The following MYH3 variants were observed in gnomAD, a reference collection of about 807,000 sequenced individuals.
MYH3 encodes myosin heavy chain 3.
A neutral mutation model predicts 238.0 loss-of-function variants in MYH3; 130 were observed. That is an observed-to-expected ratio of 0.55 (90% CI 0.47 to 0.63). The LOEUF is 0.63. Ranked by LOEUF, MYH3 falls within the 30% of genes least tolerant of loss-of-function variation. The probability of loss-of-function intolerance (pLI) is 0.00; values close to 1 mark genes in which losing one functional copy is unlikely to be tolerated. For synonymous variants in MYH3, 880 were observed against 924.1 expected, an observed-to-expected ratio of 0.95 and a Z score of 0.86; for missense variants, 1,853 against 2,374.9, an observed-to-expected ratio of 0.78 and a Z score of 4.57.
intron 32 of MYH3, 39 bp downstream of exon 32, chr17:10,633,978 A>T (rs761781341): frequency 1.2e-6 from 2 of 1,609,422 alleles, no homozygotes; most frequent in Admixed American, 1.7e-5. Context: ...GCAATAGAGC[A>T]TGAAAGGAGG....
Position 10,629,600 on chromosome 17 carries a change from G to A in MYH3, c.5793C>T (p.Ser1931=). Reference sequence around the variant, plus strand: ...TCCTCCCAGCTCAGCGACTCACCCTGCTGGAGGTGAAGTCTCGAGTCTTAG... The same window carrying A: ...TCCTCCCAGCTCAGCGACTCACCCTACTGGAGGTGAAGTCTCGAGTCTTAG... ...LRAKTRDFTS[S]RMVVHESEE The change falls in exon 40 of 41, where the codon AGC becomes AGT. Residue 1931 remains serine (S), a synonymous_variant. Transcript: ENST00000583535. The A allele has an allele frequency of 6.2e-7, 1 of 1,613,186 alleles. No homozygotes were observed. Among genetic ancestry groups the A allele is most frequent in the East Asian group, 2.2e-5 (1 of 44,876 alleles).
At chr17:10,632,324 G>T (rs2074170789) in intron 34 of MYH3, 152 bp downstream of exon 34, 2 of 936,814 alleles carry the variant, frequency 2.1e-6, no homozygotes, top group Non-Finnish European at 3.4e-6. Context: ...TTGCTATATT[G>T]CCCAGGCTGG....
chr17:10,631,466 G>T, intron 36 of MYH3, 145 bp downstream of exon 36: 1 of 1,140,170 alleles, frequency 8.8e-7, no homozygotes, highest in Non-Finnish European at 1.3e-6. Context: ...GAGGGAACAG[G>T]GGAGTTTGAG....
In MYH3 at chr17:10,654,974, G is replaced by C. The variant is rs1264659759; in HGVS notation, c.91C>G (p.Pro31Ala). ...AAGCAATACGTCTTGGCATCAAAGG[G>C]CTGGTTCTGAGCCTCGATCCTCTCC... ...EKERIEAQNQ[P>A]FDAKTYCFVV... The change falls in exon 3 of 41, where the codon CCC becomes GCC. Residue 31 changes from proline (P) to alanine (A), a missense_variant. By Grantham distance (27) the Pro-to-Ala change is conservative. Transcript: ENST00000583535. This position sits in a 1 kb window ranked among gnomAD's most constrained non-coding sequence, Gnocchi z 4.5. 1.2e-6 allele frequency: 2 copies of C among 1,614,104 alleles called. No homozygotes were observed. The highest frequency in any genetic ancestry group is 1.7e-5 in the Admixed American group (1 of 60,010).
Position 10,645,725 on chromosome 17 carries a change from C to G in MYH3, c.1123G>C (p.Glu375Gln), listed in dbSNP as rs121913621. 1.9e-6 allele frequency: 3 copies of G among 1,612,928 alleles called. No homozygotes were observed. Among genetic ancestry groups the G allele is most frequent in the Non-Finnish European group, 2.5e-6 (3 of 1,180,002 alleles). Residue 375 changes from glutamate (E) to glutamine (Q), a missense_variant, in exon 12 of 41, where the codon GAG becomes CAG. Physicochemically the swap from Glu to Gln is conservative, Grantham distance 29. Around this residue, in one of 3 missense-constraint regions of MYH3, gnomAD observed 678 missense variants for 1,058.9 expected, o/e 0.64. Transcript: ENST00000583535. ...FKQKQREEQA[E>Q]PDGTEVADKT... ...TTTGTACCTTCTGTGCCATCCGGCT[C>G]GGCCTGCTCCTCTCGCTGCTTCTGC...
Position 10,630,832 on chromosome 17 carries a change from T to C in MYH3, c.5287-374A>G, listed in dbSNP as rs184501913. 2.5e-4 allele frequency among the ~76,000 whole-genome samples: 38 copies of C among 151,376 alleles called. 1 individual carries two copies. The highest frequency in any genetic ancestry group is 2.4e-3 in the Admixed American group (36 of 15,208). Reference sequence around the variant, plus strand: ...CGCCATTGCACTCCAGCCTGGTCAATAAGAGTGAAACTCCATCTCGGGGGT... The same window carrying C: ...CGCCATTGCACTCCAGCCTGGTCAACAAGAGTGAAACTCCATCTCGGGGGT... On this transcript the variant is annotated intron_variant, in intron 36 of 40. Coordinates refer to ENST00000583535, the MANE Select transcript of MYH3 (RefSeq NM_002470.4).
intron 14 of MYH3, among the ~76,000 whole-genome samples, 183 bp downstream of exon 14, chr17:10,644,168 A>C (rs747550407): frequency 2.9e-5 from 1 of 34,504 alleles, no homozygotes; most frequent in African/African-American, 4.8e-5. Context: ...AAAAAAAAAA[A>C]CAAACAAAAA....
the MYH3 span, chr17:10,674,465 T>C: frequency 1.8e-5 from 5 of 276,994 alleles, no homozygotes; most frequent in South Asian, 1.7e-4. Context: ...CAGACTGTGA[T>C]TGAGGAGAGC....
chr17:10,634,094 A>T lies in MYH3; in HGVS notation c.4445T>A (p.Leu1482His), dbSNP rs773865770. The change falls in exon 32 of 41, where the codon CTC becomes CAC. Residue 1482 changes from leucine to histidine, a missense_variant. This residue lies in a region of MYH3 where 1,044 missense variants were observed against 1,192.6 expected (regional missense o/e 0.88). Coordinates refer to ENST00000583535, the MANE Select transcript of MYH3 (RefSeq NM_002470.4). Reference protein sequence around the residue: ...LKESRSLSTELFKLKNAYEEA... With the variant: ...LKESRSLSTEHFKLKNAYEEA... ...CTCGTAGGCATTTTTCAGTTTGAAG[A>T]GCTCAGTGCTCAAGGAGCGGGACTC... 1.2e-6 allele frequency: 2 copies of T among 1,614,200 alleles called. No individual in the cohort carries two copies. Among genetic ancestry groups the T allele is most frequent in the South Asian group, 2.2e-5 (2 of 91,090 alleles).
At chr17:10,663,594 A>T in the MYH3 span, among the ~76,000 whole-genome samples, 1 of 152,034 alleles carries the variant, frequency 6.6e-6, no homozygotes, top group South Asian at 2.1e-4. Flanking sequence ...GACATCAGAC[A>T]TTGATGGATT....
intron 2 of MYH3, 37 bp from the exon 3 acceptor site, chr17:10,655,109 C>T: frequency 2.8e-5 from 43 of 1,548,452 alleles, no homozygotes; most frequent in Non-Finnish European, 3.7e-5. Flanking sequence ...TCAGCAGCCC[C>T]CTTGCCAGGC....
At chr17:10,641,896 A>T (rs1044089443) in intron 17 of MYH3, among the ~76,000 whole-genome samples, 1 of 152,180 alleles carries the variant, frequency 6.6e-6, no homozygotes, top group Non-Finnish European at 1.5e-5. Context: ...AGTGAGCCAG[A>T]GGCTCGCCAA....
the MYH3 span, among the ~76,000 whole-genome samples, chr17:10,662,820 C>T: frequency 2.0e-5 from 3 of 152,208 alleles, no homozygotes; most frequent in Non-Finnish European, 4.4e-5. Flanking sequence ...AGTGCAGTGG[C>T]TGACGCCTGT....
chr17:10,643,629 C>T (rs2074293662), intron 14 of MYH3, among the ~76,000 whole-genome samples: 1 of 152,164 alleles, frequency 6.6e-6, no homozygotes, highest in African/African-American at 2.4e-5. Context: ...CTGCCTCAGC[C>T]TCCCAAAGTG....
chr17:10,664,420 GCAGAGAACCA>G, the MYH3 span, among the ~76,000 whole-genome samples: 1 of 152,134 alleles, frequency 6.6e-6, no homozygotes, highest in South Asian at 2.1e-4. Flanking sequence ...TCAGAGCCTT[GCAGAGAACCA>G]CCTCCCTAAC....
Position 10,642,090 on chromosome 17 carries a change from T to C in MYH3, c.1959+150A>G, listed in dbSNP as rs1310688055. 6 of 744,782 alleles carry C rather than the reference T, an allele frequency of 8.1e-6. No individual in the cohort carries two copies. Among genetic ancestry groups the C allele is most frequent in the Non-Finnish European group, 1.4e-5 (6 of 428,534 alleles). 46.1% of individuals were successfully genotyped at this position (744,782 alleles called of 1,614,324 possible). A position where few individuals can be genotyped will look rare whatever the true frequency, so the allele number is the denominator to read the frequency against. ...CACATTGGTTAGACCGTATTTATTA[T>C]ATTTTATCATCTGTCACTTCACCTC... On this transcript the variant is annotated intron_variant, in intron 17 of 40. Coordinates refer to ENST00000583535, the MANE Select transcript of MYH3 (RefSeq NM_002470.4). The surrounding 1 kb of genome is among the most constrained non-coding windows in gnomAD (Gnocchi z 5.4).
chr17:10,635,085 TTCA>T, intron 30 of MYH3, 62 bp from the exon 31 acceptor site: 1 of 1,533,442 alleles, frequency 6.5e-7, no homozygotes, highest in Non-Finnish European at 9.0e-7. Flanking sequence ...AACATCACTA[TTCA>T]TCAAGTTGGA....
rs752340744 is a variant in MYH3 at position 10,639,984 on chromosome 17, C to G, written c.2682+12G>C. 1 of 1,608,620 alleles carries G rather than the reference C, an allele frequency of 6.2e-7. No individual in the cohort carries two copies. The highest frequency in any genetic ancestry group is 1.1e-5 in the South Asian group (1 of 89,080). The stretch of plus-strand genomic sequence containing the variant: ...AGAGTTAAAAAAAAAAAAAAGATTG[C>G]TAAACACGTACAGCTTGTACTTGGA... On this transcript the variant is annotated intron_variant, in intron 22 of 40. Transcript: ENST00000583535.
intron 12 of MYH3, among the ~76,000 whole-genome samples, chr17:10,645,421 A>G (rs2074311181): frequency 6.6e-6 from 1 of 151,744 alleles, no homozygotes; most frequent in Non-Finnish European, 1.5e-5. Flanking sequence ...GACAGAGCAA[A>G]ACTCTGTCTG....
Sources: allele counts gnomAD v4.1 joint callset (sites outside exome capture counted in the v4.1 genomes callset), GRCh38; gene constraint gnomAD v4.1.1; regional missense constraint gnomAD v4.1.1; non-coding constraint Gnocchi (gnomAD v3.1); transcripts MANE v1.5; gene names NCBI Gene and HGNC (gene_info 2026-07-23, HGNC 2026-07-21).